DHX15: variants seen among roughly 807,000 people sequenced by gnomAD.
DHX15 encodes ATP-dependent RNA helicase DHX15.
In DHX15, 11 loss-of-function variants were observed where a neutral mutation model predicts 94.4. That is an observed-to-expected ratio of 0.12 (90% CI 0.07 to 0.19). The LOEUF is 0.19. Among genes scored for constraint, DHX15 ranks in the 10% least tolerant of loss-of-function variants. DHX15 has a pLI of 1.00. For synonymous variants in DHX15, 338 were observed against 329.9 expected, an observed-to-expected ratio of 1.02 and a Z score of -0.27; for missense variants, 304 against 988.5, an observed-to-expected ratio of 0.31 and a Z score of 9.29.
rs1440453762 is a variant in DHX15 at position 24,554,482 on chromosome 4, CAAA to C, written c.1080+240_1080+242del. On this transcript the variant is annotated intron_variant, in intron 5 of 13. Transcript: ENST00000336812. ...CCAGGGATCTCTTAAACTACAATTG[CAAA>C]ATCTTGAAATTCCAAAAGCATTTAA... Among the ~76,000 whole-genome samples the C allele has an allele frequency of 2.0e-5, 3 of 152,242 alleles. No homozygotes were observed. In the East Asian group the frequency reaches 5.8e-4, roughly 29 times the overall value.
chr4:24,548,123 C>G (rs1357293306), intron 6 of DHX15, among the ~76,000 whole-genome samples: 1 of 147,038 alleles, frequency 6.8e-6, no homozygotes, highest in Admixed American at 6.8e-5. Flanking sequence ...CATACTTATG[C>G]AGTGTGATCA....
chr4:24,532,333 C>T (rs934755512), intron 12 of DHX15, among the ~76,000 whole-genome samples: 3 of 152,162 alleles, frequency 2.0e-5, no homozygotes, highest in Non-Finnish European at 4.4e-5. Context: ...CCAATGATCA[C>T]TCTGTAGAGG....
intron 3 of DHX15, among the ~76,000 whole-genome samples, chr4:24,561,823 A>G (rs2063309795): frequency 6.6e-6 from 1 of 152,172 alleles, no homozygotes; most frequent in Admixed American, 6.5e-5. Flanking sequence ...ACTACCTGTC[A>G]GGTAACTATG....
intron 3 of DHX15, among the ~76,000 whole-genome samples, chr4:24,560,646 C>A (rs918515247): frequency 1.3e-5 from 2 of 152,078 alleles, no homozygotes. Flanking sequence ...ATGGGCAAAG[C>A]ATATGATGAA....
chr4:24,582,030 G>A (rs978621390), intron 1 of DHX15, among the ~76,000 whole-genome samples: 5 of 151,924 alleles, frequency 3.3e-5, no homozygotes, highest in Admixed American at 6.6e-5. Flanking sequence ...TTGTAAGACT[G>A]ACAAGCTTAT....
chr4:24,564,977 G>C (rs1363125783), intron 3 of DHX15, among the ~76,000 whole-genome samples: 1 of 152,050 alleles, frequency 6.6e-6, no homozygotes, highest in Non-Finnish European at 1.5e-5. Context: ...AAATACATTT[G>C]GTATGTATTT....
At chr4:24,533,096 T>C (rs762163234) in intron 11 of DHX15, 42 bp from the exon 12 acceptor site, 1 of 1,500,830 alleles carries the variant, frequency 6.7e-7, no homozygotes, top group Non-Finnish European at 9.3e-7. Context: ...GCACCATGAA[T>C]CACCCACACA....
At chr4:24,542,524 A>T (rs1373937286) in intron 7 of DHX15, among the ~76,000 whole-genome samples, 1 of 152,190 alleles carries the variant, frequency 6.6e-6, no homozygotes, top group East Asian at 1.9e-4. Context: ...TTTAGTATAC[A>T]GCACTGTTAA....
intron 1 of DHX15, among the ~76,000 whole-genome samples, chr4:24,578,610 G>C (rs1253295314): frequency 1.3e-5 from 2 of 152,114 alleles, no homozygotes; most frequent in Non-Finnish European, 2.9e-5. Flanking sequence ...TACCCGGGTT[G>C]GAGTGCAGTG....
intron 3 of DHX15, among the ~76,000 whole-genome samples, chr4:24,562,131 CA>C (rs71196191): frequency 0.011 from 858 of 77,750 alleles, 7 homozygotes; most frequent in African/African-American, 0.035. Flanking sequence ...GACACTGTCT[CA>C]AAAAAAAAAA....
At chr4:24,541,054 C>A in intron 8 of DHX15, 106 bp from the exon 9 acceptor site, 1 of 628,186 alleles carries the variant, frequency 1.6e-6, no homozygotes, top group Non-Finnish European at 2.8e-6. Context: ...TTTGGCATTA[C>A]TTCTACACTG....
chr4:24,564,060 C>G (rs1278046323), intron 3 of DHX15, among the ~76,000 whole-genome samples: 3 of 74,242 alleles, frequency 4.0e-5, no homozygotes, highest in Non-Finnish European at 8.7e-5. Context: ...GAGCAAGACT[C>G]CGTCTCAAAA....
At position 24,579,871 on chromosome 4, in the gene DHX15, T is replaced by C. The variant is rs529602975; in HGVS notation, c.72-3193A>G. The stretch of plus-strand genomic sequence containing the variant: ...ACCTCTGCCTCCCTGTTTCAAGCGA[T>C]TCTCCTGCCTCAGCCTCCAGAGTAG... On this transcript the variant is annotated intron_variant, in intron 1 of 13. Coordinates refer to ENST00000336812, the MANE Select transcript of DHX15 (RefSeq NM_001358.3). Among the ~76,000 whole-genome samples, 6 of 152,284 alleles carry C rather than the reference T, an allele frequency of 3.9e-5. 1 individual carries two copies. Among genetic ancestry groups the C allele is most frequent in the African/African-American group, 1.4e-4 (6 of 41,566 alleles).
chr4:24,528,828 A>T (rs1721016918), intron 13 of DHX15, among the ~76,000 whole-genome samples: 1 of 152,184 alleles, frequency 6.6e-6, no homozygotes, highest in Non-Finnish European at 1.5e-5. Flanking sequence ...ATGCCTGCAC[A>T]GTTCCTAAAA....
chr4:24,547,476 A>T (rs760716696), intron 6 of DHX15, among the ~76,000 whole-genome samples: 2 of 152,234 alleles, frequency 1.3e-5, no homozygotes, highest in African/African-American at 2.4e-5. Context: ...TAACTGTAGT[A>T]AATATGGGCC....
intron 4 of DHX15, among the ~76,000 whole-genome samples, chr4:24,555,892 G>A (rs1456703571): frequency 6.6e-6 from 1 of 150,942 alleles, no homozygotes; most frequent in Non-Finnish European, 1.5e-5. Flanking sequence ...ATGGGTGTTT[G>A]TGATGAGACA....
chr4:24,572,720 C>T (rs570900208), intron 2 of DHX15, among the ~76,000 whole-genome samples: 49 of 152,130 alleles, frequency 3.2e-4, no homozygotes, highest in Non-Finnish European at 5.7e-4. Context: ...TAGAAGAGTG[C>T]GTTTCCTTGT....
intron 1 of DHX15, among the ~76,000 whole-genome samples, chr4:24,581,556 A>G (rs1278782756): frequency 6.6e-6 from 1 of 152,218 alleles, no homozygotes; most frequent in Non-Finnish European, 1.5e-5. Flanking sequence ...CTTTGAGTAT[A>G]AACATTTCTT....
At chr4:24,569,460 C>A (rs375878366) in intron 3 of DHX15, among the ~76,000 whole-genome samples, 2 of 151,874 alleles carry the variant, frequency 1.3e-5, no homozygotes, top group African/African-American at 4.8e-5. Flanking sequence ...GGCATGGTGG[C>A]GCACACCTAT....
Sources: allele counts gnomAD v4.1 joint callset (sites outside exome capture counted in the v4.1 genomes callset), GRCh38; gene constraint gnomAD v4.1.1; transcripts MANE v1.5; gene names NCBI Gene and HGNC (gene_info 2026-07-23, HGNC 2026-07-21).